Variants in AKAP19 observed in about 807,000 individuals in gnomAD.
The protein encoded by AKAP19 is small A-kinase anchoring protein.
At chr2:190,043,553 C>CT in the AKAP19 span, among the ~76,000 whole-genome samples, 4 of 152,220 alleles carry the variant, frequency 2.6e-5, no homozygotes, top group South Asian at 4.1e-4. Flanking sequence ...CCGTTAGGTT[C>CT]TTTTTTATCT....
the AKAP19 span, among the ~76,000 whole-genome samples, chr2:190,145,375 C>A: frequency 1.3e-5 from 2 of 152,198 alleles, no homozygotes; most frequent in Non-Finnish European, 2.9e-5. Context: ...CAGTTCCCTA[C>A]TGCTGGATAC....
At chr2:190,125,880 T>C in the AKAP19 span, among the ~76,000 whole-genome samples, 1 of 152,124 alleles carries the variant, frequency 6.6e-6, no homozygotes, top group African/African-American at 2.4e-5. Flanking sequence ...ATATTACTTA[T>C]ATAAAGCTAT....
the AKAP19 span, among the ~76,000 whole-genome samples, chr2:190,194,874 G>C: frequency 6.6e-6 from 1 of 151,966 alleles, no homozygotes; most frequent in Admixed American, 6.6e-5. Flanking sequence ...ATTTTTTGAG[G>C]TGGGGTCTTG....
chr2:190,077,585 G>A, the AKAP19 span, among the ~76,000 whole-genome samples: 1 of 152,176 alleles, frequency 6.6e-6, no homozygotes, highest in African/African-American at 2.4e-5. Context: ...TTACAGGCAT[G>A]AGCCACCGTG....
the AKAP19 span, among the ~76,000 whole-genome samples, chr2:190,158,914 G>C: frequency 3.3e-5 from 5 of 152,234 alleles, no homozygotes; most frequent in African/African-American, 1.2e-4. Context: ...GCTATCCTCA[G>C]GGGAGGCCCA....
chr2:189,920,446 C>A, the AKAP19 span, among the ~76,000 whole-genome samples: 33 of 152,112 alleles, frequency 2.2e-4, no homozygotes, highest in Non-Finnish European at 4.0e-4. Context: ...AGTTGTACAC[C>A]ATTCTGCTCA....
At chr2:190,116,536 C>T in the AKAP19 span, among the ~76,000 whole-genome samples, 1 of 152,184 alleles carries the variant, frequency 6.6e-6, no homozygotes, top group Non-Finnish European at 1.5e-5. Context: ...AACTATAGCA[C>T]ATTTTCTACC....
At chr2:190,196,419 T>C in the AKAP19 span, among the ~76,000 whole-genome samples, 1 of 152,126 alleles carries the variant, frequency 6.6e-6, no homozygotes, top group South Asian at 2.1e-4. Context: ...TCCATTTCTC[T>C]GAGATTCTTT....
At chr2:190,175,633 G>T in the AKAP19 span, among the ~76,000 whole-genome samples, 1 of 152,166 alleles carries the variant, frequency 6.6e-6, no homozygotes, top group Non-Finnish European at 1.5e-5. Context: ...GGAGTGAGAA[G>T]CTTGGAGGGG....
At chr2:190,029,508 ATG>A in the AKAP19 span, among the ~76,000 whole-genome samples, 1 of 152,202 alleles carries the variant, frequency 6.6e-6, no homozygotes, top group African/African-American at 2.4e-5. Context: ...ATCTATAAAA[ATG>A]TTAATGATAC....
the AKAP19 span, among the ~76,000 whole-genome samples, chr2:190,172,806 G>C: frequency 6.6e-6 from 1 of 152,160 alleles, no homozygotes; most frequent in Non-Finnish European, 1.5e-5. Context: ...CACAATGCTA[G>C]TGTGACAATT....
the AKAP19 span, among the ~76,000 whole-genome samples, chr2:190,123,916 A>G: frequency 6.6e-6 from 1 of 152,226 alleles, no homozygotes; most frequent in Non-Finnish European, 1.5e-5. Flanking sequence ...TGATGGATGT[A>G]TTGATCTATC....
the AKAP19 span, among the ~76,000 whole-genome samples, chr2:189,973,259 T>C: frequency 1.3e-5 from 2 of 152,218 alleles, no homozygotes; most frequent in African/African-American, 4.8e-5. Flanking sequence ...TTTTTGTCTT[T>C]AGTTCTGTTT....
At chr2:190,175,674 G>T in the AKAP19 span, among the ~76,000 whole-genome samples, 6 of 152,194 alleles carry the variant, frequency 3.9e-5, no homozygotes, top group African/African-American at 1.4e-4. Context: ...ACATAAGGAA[G>T]ATAATGTCAA....
the AKAP19 span, among the ~76,000 whole-genome samples, chr2:189,978,391 C>T: frequency 2.2e-4 from 33 of 152,058 alleles, no homozygotes; most frequent in Admixed American, 1.0e-3. Flanking sequence ...GAGGCTGAGG[C>T]GGGCAGATCA....
chr2:190,157,393 C>CACACACACACACACACACACACACACAT, the AKAP19 span, among the ~76,000 whole-genome samples: 5 of 149,236 alleles, frequency 3.4e-5, no homozygotes, highest in African/African-American at 1.2e-4. Context: ...CACACACACA[C>CACACACACACACACACACACACACACAT]ATATCACAGG....
the AKAP19 span, among the ~76,000 whole-genome samples, chr2:189,933,289 G>A: frequency 3.9e-5 from 6 of 152,204 alleles, no homozygotes; most frequent in East Asian, 1.9e-4. Context: ...GTGAGAGTGG[G>A]GGCAGAAACA....
At chr2:190,067,216 C>A in the AKAP19 span, among the ~76,000 whole-genome samples, 11 of 152,032 alleles carry the variant, frequency 7.2e-5, no homozygotes, top group African/African-American at 2.7e-4. Context: ...ATTATGGGGC[C>A]TCTGGAAAAC....
the AKAP19 span, among the ~76,000 whole-genome samples, chr2:189,959,493 A>C: frequency 6.6e-6 from 1 of 152,152 alleles, no homozygotes; most frequent in African/African-American, 2.4e-5. Context: ...TCTCATTAGC[A>C]GTCCTAAGCA....
Sources: gnomAD v4.1 joint callset for allele counts (sites outside exome capture counted in the v4.1 genomes callset) on GRCh38, gnomAD v4.1.1 for gene constraint, MANE v1.5 for transcripts, NCBI Gene and HGNC (gene_info 2026-07-23, HGNC 2026-07-21) for gene names.